Variants in SLC37A3 observed in about 807,000 individuals in gnomAD.
SLC37A3 encodes solute carrier family 37 member 3, also known as sugar phosphate exchanger 3.
A neutral mutation model predicts 67.1 loss-of-function variants in SLC37A3; 51 were observed. The observed-to-expected ratio is 0.76, with a 90% confidence interval of 0.61 to 0.96. The LOEUF is 0.96. SLC37A3 is among the 40% of genes least tolerant of loss of function. The pLI is 0.00. For synonymous variants in SLC37A3, 214 were observed against 231.4 expected (o/e 0.92, Z 0.68); for missense variants, 508 against 603.0 (o/e 0.84, Z 1.65).
At chr7:140,386,132 C>T (rs1798439916) in intron 1 of SLC37A3, among the ~76,000 whole-genome samples, 1 of 152,048 alleles carries the variant, frequency 6.6e-6, no homozygotes, top group Non-Finnish European at 1.5e-5. Flanking sequence ...CTTTGTCACC[C>T]AGACTGGAGT....
At chr7:140,381,961 C>T (rs997718942) in intron 2 of SLC37A3, among the ~76,000 whole-genome samples, 3 of 143,980 alleles carry the variant, frequency 2.1e-5, no homozygotes, top group Non-Finnish European at 4.5e-5. Flanking sequence ...TTGCAGTGAG[C>T]TGAGGTCATG....
At chr7:140,378,012 G>A (rs1324673381) in intron 3 of SLC37A3, among the ~76,000 whole-genome samples, 4 of 152,028 alleles carry the variant, frequency 2.6e-5, no homozygotes, top group African/African-American at 7.2e-5. Context: ...ACAGCCACAC[G>A]TACTCTATGT....
At chr7:140,390,616 C>T (rs1037892518) in intron 1 of SLC37A3, among the ~76,000 whole-genome samples, 4 of 152,092 alleles carry the variant, frequency 2.6e-5, no homozygotes, top group African/African-American at 7.2e-5. Context: ...CTCGCACTCC[C>T]GTCCCATGGT....
intron 13 of SLC37A3, among the ~76,000 whole-genome samples, chr7:140,340,208 AT>A (rs1180855936): frequency 6.6e-6 from 1 of 151,662 alleles, no homozygotes; most frequent in African/African-American, 2.4e-5. Flanking sequence ...TATGAGTTTC[AT>A]AATTTTAAGT....
chr7:140,391,970 A>T (rs1481556800), intron 1 of SLC37A3, among the ~76,000 whole-genome samples: 1 of 152,150 alleles, frequency 6.6e-6, no homozygotes, highest in Non-Finnish European at 1.5e-5. Context: ...ACCTTCTCTA[A>T]TAAATCTGCC....
chr7:140,368,393 C>T (rs933475316), intron 4 of SLC37A3, among the ~76,000 whole-genome samples: 9 of 152,046 alleles, frequency 5.9e-5, no homozygotes, highest in Admixed American at 3.3e-4. Flanking sequence ...TGGAGAAACT[C>T]GGTCTCTACT....
chr7:140,337,368 A>G lies in SLC37A3; in HGVS notation c.1327-19T>C. The stretch of plus-strand genomic sequence containing the variant: ...CTAAATACTGAAAGGGAGGAAAAAA[A>G]AATTACAATATAATTCTTTATAATT... On this transcript the variant is annotated intron_variant, in intron 13 of 14. Coordinates refer to ENST00000326232, the MANE Select transcript of SLC37A3 (RefSeq NM_207113.3). 7.1e-6 allele frequency: 11 copies of G among 1,554,814 alleles called. No homozygotes were observed. Among genetic ancestry groups the G allele is most frequent in the Non-Finnish European group, 9.6e-6 (11 of 1,150,568 alleles).
chr7:140,390,197 T>A (rs1384777828), intron 1 of SLC37A3, among the ~76,000 whole-genome samples: 1 of 152,004 alleles, frequency 6.6e-6, no homozygotes, highest in East Asian at 1.9e-4. Flanking sequence ...AGAGATGACA[T>A]ACATGAAGCT....
intron 7 of SLC37A3, among the ~76,000 whole-genome samples, chr7:140,354,741 T>TG (rs1491183686): frequency 2.2e-5 from 2 of 92,284 alleles, no homozygotes; most frequent in Non-Finnish European, 4.2e-5. Context: ...CTTTTTGGTG[T>TG]TTTTTTTTTT....
At chr7:140,387,910 A>T (rs1459310066) in intron 1 of SLC37A3, among the ~76,000 whole-genome samples, 1 of 130,518 alleles carries the variant, frequency 7.7e-6, no homozygotes, top group African/African-American at 2.9e-5. Flanking sequence ...CTGAGATGGG[A>T]GGATCACCTG....
chr7:140,350,974 T>C (rs963555671), intron 9 of SLC37A3, among the ~76,000 whole-genome samples: 1 of 152,168 alleles, frequency 6.6e-6, no homozygotes, highest in Admixed American at 6.6e-5. Flanking sequence ...CACGTCTAAC[T>C]GTCCCATGTT....
At chr7:140,338,138 C>T (rs369456616) in intron 13 of SLC37A3, among the ~76,000 whole-genome samples, 40 of 152,268 alleles carry the variant, frequency 2.6e-4, no homozygotes, top group African/African-American at 9.4e-4. Flanking sequence ...GATCCGTCCA[C>T]CTCGGCCTCC....
At chr7:140,343,938 G>GAA in intron 12 of SLC37A3, 1 of 226,386 alleles carries the variant, frequency 4.4e-6, no homozygotes, top group Non-Finnish European at 8.7e-6. Flanking sequence ...CAGGAATATT[G>GAA]AAAAAAAAGA....
At chr7:140,337,474 A>C in intron 13 of SLC37A3, 125 bp from the exon 14 acceptor site, 1 of 767,034 alleles carries the variant, frequency 1.3e-6, no homozygotes, top group South Asian at 2.6e-5. Flanking sequence ...TATGTTTTGC[A>C]GTTTACAAAG....
At chr7:140,368,095 T>C (rs1797676207) in intron 4 of SLC37A3, among the ~76,000 whole-genome samples, 1 of 151,874 alleles carries the variant, frequency 6.6e-6, no homozygotes. Flanking sequence ...ATTACAGGCG[T>C]GGGCCACCGC....
intron 8 of SLC37A3, chr7:140,351,840 G>A (rs1375262140): frequency 3.2e-6 from 2 of 633,806 alleles, no homozygotes; most frequent in Non-Finnish European, 5.6e-6. Context: ...AGATTTTCCT[G>A]TATCTATAAA....
chr7:140,380,284 C>G lies in SLC37A3; in HGVS notation c.196G>C (p.Glu66Gln). ...AFNTSVELPVEIWSSNHLFPS... is the reference protein window; with the variant it reads ...AFNTSVELPVQIWSSNHLFPS... ...TCCCAGCACTCTGTTCTGCTTACCT[C>G]CACAGGCAGCTCAACTGACGTGTTA... is the stretch of plus-strand genomic sequence containing the variant. Residue 66 changes from glutamate to glutamine, a missense_variant and splice_region_variant, in exon 3 of 15, where the codon GAG becomes CAG. Physicochemically the swap from Glu to Gln is conservative, Grantham distance 29. Coordinates refer to ENST00000326232, the MANE Select transcript of SLC37A3 (RefSeq NM_207113.3). 6.2e-7 allele frequency: 1 copy of G among 1,604,576 alleles called. No individual in the cohort carries two copies. The highest frequency in any genetic ancestry group is 8.5e-7 in the Non-Finnish European group (1 of 1,171,582).
At chr7:140,397,885 G>C (rs184798902) in intron 1 of SLC37A3, among the ~76,000 whole-genome samples, 8 of 152,274 alleles carry the variant, frequency 5.3e-5, no homozygotes, top group Admixed American at 5.2e-4. Flanking sequence ...ACCCTGCGAA[G>C]AATAAGGAGG....
intron 5 of SLC37A3, among the ~76,000 whole-genome samples, chr7:140,359,067 C>T (rs990233003): frequency 6.6e-6 from 1 of 152,152 alleles, no homozygotes; most frequent in African/African-American, 2.4e-5. Context: ...AAAGTGAATT[C>T]CAGGCCGGGC....
Sources: allele counts gnomAD v4.1 joint callset (sites outside exome capture counted in the v4.1 genomes callset), GRCh38; gene constraint gnomAD v4.1.1; transcripts MANE v1.5; gene names NCBI Gene and HGNC (gene_info 2026-07-23, HGNC 2026-07-21).